Variants in TMEM190 observed in about 807,000 individuals in gnomAD.
TMEM190 encodes the protein transmembrane protein 190.
In TMEM190, 17 loss-of-function variants were observed where a neutral mutation model predicts 17.1. The ratio of observed to expected loss-of-function variants is 0.99; its 90% CI spans 0.68 to 1.49. The LOEUF is 1.49. Among genes scored for constraint, TMEM190 ranks in the 40% most tolerant of loss-of-function variants. TMEM190 has a pLI of 0.00. For synonymous variants in TMEM190, 101 were observed against 103.8 expected, an observed-to-expected ratio of 0.97 and a Z score of 0.16; for missense variants, 246 against 245.0, an observed-to-expected ratio of 1.00 and a Z score of -0.03.
chr19:55,377,521 T>C, intron 2 of TMEM190, 72 bp from the exon 3 acceptor site: 1 of 1,549,138 alleles, frequency 6.5e-7, no homozygotes, highest in East Asian at 2.3e-5. Flanking sequence ...GAGCATGGCC[T>C]TGGAATCTCG....
chr19:55,377,179 G>T (rs1445731347), intron 2 of TMEM190, among the ~76,000 whole-genome samples, 153 bp downstream of exon 2: 3 of 86,526 alleles, frequency 3.5e-5, no homozygotes, highest in African/African-American at 9.4e-5. Flanking sequence ...GGGGCTGGGG[G>T]CCTGGATCCC....
At chr19:55,377,948 G>C in intron 4 of TMEM190, 27 bp from the exon 5 acceptor site, 1 of 1,607,012 alleles carries the variant, frequency 6.2e-7, no homozygotes, top group Non-Finnish European at 8.5e-7. Context: ...GGCGGAGGGC[G>C]GGGGCTGAGC....
Position 55,377,787 on chromosome 19 carries a change from G to T in TMEM190, c.221-15G>T. 1 of 1,612,880 alleles carries T rather than the reference G, an allele frequency of 6.2e-7. No individual in the cohort carries two copies. ...GTCGGGAGCCCCGGGTCTTAACCCT[G>T]CCTCCCTTGTCCAGAAAACGTGCGG... On this transcript the variant is annotated splice_polypyrimidine_tract_variant and intron_variant, in intron 3 of 4. Coordinates refer to ENST00000291934, the MANE Select transcript of TMEM190 (RefSeq NM_139172.3).
intron 2 of TMEM190, 37 bp from the exon 3 acceptor site, chr19:55,377,556 G>A (rs748293700): frequency 7.0e-6 from 11 of 1,582,306 alleles, no homozygotes; most frequent in East Asian, 2.2e-5. Context: ...GGAGCGGAGC[G>A]CTGTGATGAA....
chr19:55,378,124 C>T lies in TMEM190; in HGVS notation c.455C>T (p.Ser152Phe). The change falls in exon 5 of 5, where the codon TCC becomes TTC. Residue 152 changes from serine to phenylalanine, a missense_variant. By Grantham distance (155) the Ser-to-Phe change is radical. Coordinates refer to ENST00000291934, the MANE Select transcript of TMEM190 (RefSeq NM_139172.3). ...GSVPVALSKE[S>F]RDVEGGTEGE... ...GTGCCAGTCGCCCTGTCCAAAGAGT[C>T]CAGGGATGTGGAGGGAGGCACCGAG... 1.9e-6 allele frequency: 3 copies of T among 1,597,362 alleles called. No homozygotes were observed. Among genetic ancestry groups the T allele is most frequent in the Non-Finnish European group, 2.6e-6 (3 of 1,169,508 alleles).
rs764181576 is a variant in TMEM190 at position 55,377,732 on chromosome 19, G to T, written c.220+14G>T. ...AGCGTCCAGACGGTGAGGGCTCCTGGCCCCAGGTCCCTGGGGCGTGGGTCT... is the reference window on the plus strand; with the variant it reads ...AGCGTCCAGACGGTGAGGGCTCCTGTCCCCAGGTCCCTGGGGCGTGGGTCT... On this transcript the variant is annotated intron_variant, in intron 3 of 4. Transcript: ENST00000291934. 1.9e-6 allele frequency: 3 copies of T among 1,610,874 alleles called. No individual in the cohort carries two copies. The Admixed American group carries it at 5.0e-5, about 27-fold the overall frequency.
rs1265667394 is a variant in TMEM190, at chr19:55,376,998, T to C, written c.66T>C (p.Asn22=). 2 of 1,551,414 alleles carry C rather than the reference T, an allele frequency of 1.3e-6. No homozygotes were observed. The highest frequency in any genetic ancestry group is 1.7e-6 in the Non-Finnish European group (2 of 1,146,986). ...LLLLQGSADG[N]GIQGFFYPWS... ...CTGCCCTTTCTCTCGCAGACGGAAA[T>C]GGAATCCAGGGATTCTTCTACCCAT... The change falls in exon 2 of 5, where the codon AAT becomes AAC. Residue 22 remains asparagine (N), a synonymous_variant. Transcript: ENST00000291934.
At chr19:55,377,952 G>A (rs2089865615) in intron 4 of TMEM190, 23 bp from the exon 5 acceptor site, 4 of 1,607,504 alleles carry the variant, frequency 2.5e-6, no homozygotes, top group Non-Finnish European at 3.4e-6. Context: ...GAGGGCGGGG[G>A]CTGAGCCGTC....
rs2089864248 is a variant in TMEM190, at chr19:55,377,818, G to A, written c.237G>A (p.Lys79=). The change falls in exon 4 of 5, where the codon AAG becomes AAA. Residue 79 remains lysine (K), a synonymous_variant. Transcript: ENST00000291934. ...HQRPDENVRR[K]HMWALVWTCS... ...CTTGTCCAGAAAACGTGCGGAGGAA[G>A]CACATGTGGGCGCTGGTCTGGACGT... 2 of 1,611,800 alleles carry A rather than the reference G, an allele frequency of 1.2e-6. No homozygotes were observed. Among genetic ancestry groups the A allele is most frequent in the South Asian group, 2.2e-5 (2 of 91,080 alleles).
Position 55,377,927 on chromosome 19 carries a change from G to C in TMEM190, c.305+41G>C, listed in dbSNP as rs774869765. On this transcript the variant is annotated intron_variant, in intron 4 of 4. Coordinates refer to ENST00000291934, the MANE Select transcript of TMEM190 (RefSeq NM_139172.3). ...ATAGGGCGGGCGCCTGCACCCCCAG[G>C]GGGAGGGTCCGGCGGAGGGCGGGGG... 1.6e-5 allele frequency: 26 copies of C among 1,606,500 alleles called. No individual in the cohort carries two copies. In the Middle Eastern group the frequency reaches 1.2e-3, roughly 72 times the overall value.
chr19:55,376,929 C>A lies in TMEM190; in HGVS notation c.58+18C>A. On this transcript the variant is annotated intron_variant, in intron 1 of 4. Coordinates refer to ENST00000291934, the MANE Select transcript of TMEM190 (RefSeq NM_139172.3). Reference sequence around the variant, plus strand: ...CTCGGCAGGTGAGGGGCTGGTGAGGCGGGGGAGCTGAGGAGGGACGCCCGG... The same window carrying A: ...CTCGGCAGGTGAGGGGCTGGTGAGGAGGGGGAGCTGAGGAGGGACGCCCGG... The A allele has an allele frequency of 1.3e-6, 2 of 1,561,780 alleles. No individual in the cohort carries two copies. Among genetic ancestry groups the A allele is most frequent in the East Asian group, 2.4e-5 (1 of 42,456 alleles).
In TMEM190 at chr19:55,378,235, A is replaced by C. The variant is rs143443912; in HGVS notation, c.*32A>C. ...CCCCGGGGGACTGCTCAATACAGAT[A>C]CGGTGGACGGACGTGTGTTCTCTTC... On this transcript the variant is annotated 3_prime_UTR_variant, in exon 5 of 5. Coordinates refer to ENST00000291934, the MANE Select transcript of TMEM190 (RefSeq NM_139172.3). 280 of 1,474,284 alleles carry C rather than the reference A, an allele frequency of 1.9e-4. No individual in the cohort carries two copies. The African/African-American group carries it at 3.7e-3, about 19-fold the overall frequency. The allele number at this position is 1,474,284 out of a possible 1,614,324, so 91.3% of individuals were successfully genotyped here.
In TMEM190 at chr19:55,377,888, C is replaced by A. The variant is rs762143109; in HGVS notation, c.305+2C>A. ...GAGCTGCAGCATCTGCTTGTTCTGG[C>A]GAGTGGGCCTGGGATAGGGCGGGCG... On this transcript the variant is annotated splice_donor_variant, in intron 4 of 4. Transcript: ENST00000291934. LOFTEE classifies it high-confidence loss of function. The A allele has an allele frequency of 3.1e-6, 5 of 1,608,544 alleles. No homozygotes were observed. Among genetic ancestry groups the A allele is most frequent in the Admixed American group, 1.7e-5 (1 of 59,964 alleles).
chr19:55,377,847 G>T lies in TMEM190; in HGVS notation c.266G>T (p.Ser89Ile), dbSNP rs769792321. The T allele has an allele frequency of 6.2e-7, 1 of 1,610,922 alleles. No individual in the cohort carries two copies. Among genetic ancestry groups the T allele is most frequent in the Non-Finnish European group, 8.5e-7 (1 of 1,179,846 alleles). ...ATGTGGGCGCTGGTCTGGACGTGCA[G>T]CGGCCTCCTCCTCCTGAGCTGCAGC... is the stretch of plus-strand genomic sequence containing the variant. ...KHMWALVWTC[S>I]GLLLLSCSIC... is the part of the protein sequence containing the mutation. The change falls in exon 4 of 5, where the codon AGC becomes ATC. Residue 89 changes from serine to isoleucine, a missense_variant. Transcript: ENST00000291934.
intron 4 of TMEM190, 36 bp from the exon 5 acceptor site, chr19:55,377,939 G>A: frequency 6.2e-7 from 1 of 1,606,486 alleles, no homozygotes; most frequent in South Asian, 1.1e-5. Context: ...GGAGGGTCCG[G>A]CGGAGGGCGG....
chr19:55,376,947 ACGCCCG>A lies in TMEM190; in HGVS notation c.58+37_59-38del, dbSNP rs780776383. 41 of 1,554,276 alleles carry A rather than the reference ACGCCCG, an allele frequency of 2.6e-5. No homozygotes were observed. In the East Asian group the frequency reaches 9.4e-4, roughly 36 times the overall value. ...GGTGAGGCGGGGGAGCTGAGGAGGGACGCCCGGCTCCACACAGCCCTAACACTGCCC... is the reference window on the plus strand; with the variant it reads ...GGTGAGGCGGGGGAGCTGAGGAGGGAGCTCCACACAGCCCTAACACTGCCC... On this transcript the variant is annotated intron_variant, in intron 1 of 4. Coordinates refer to ENST00000291934, the MANE Select transcript of TMEM190 (RefSeq NM_139172.3).
intron 2 of TMEM190, among the ~76,000 whole-genome samples, chr19:55,377,282 TG>T (rs374534673): frequency 4.1e-5 from 5 of 121,904 alleles, no homozygotes; most frequent in East Asian, 2.5e-4. Context: ...GAGGAGGGGC[TG>T]GGGCCTGGAC....
At position 55,378,059 on chromosome 19, in the gene TMEM190, C is replaced by T. The variant is rs1229713028; in HGVS notation, c.390C>T (p.Ser130=). 2 of 1,612,578 alleles carry T rather than the reference C, an allele frequency of 1.2e-6. No individual in the cohort carries two copies. The highest frequency in any genetic ancestry group is 1.1e-5 in the South Asian group (1 of 90,992). Reference sequence around the variant, plus strand: ...TGTCCAAGTCCGTCTCGCTGCTCTCCAAGCACCGAGGGACCAAGAAGACGC... The same window carrying T: ...TGTCCAAGTCCGTCTCGCTGCTCTCTAAGCACCGAGGGACCAAGAAGACGC... ...CDMSKSVSLL[S]KHRGTKKTPS... Residue 130 remains serine (S), a synonymous_variant, in exon 5 of 5, where the codon TCC becomes TCT. Transcript: ENST00000291934.
rs763446354 is a variant in TMEM190, at chr19:55,378,008, C to G, written c.339C>G (p.Pro113=). The G allele has an allele frequency of 2.9e-5, 46 of 1,612,692 alleles. No homozygotes were observed. The highest frequency in any genetic ancestry group is 3.6e-5 in the Non-Finnish European group (42 of 1,179,908). The change falls in exon 5 of 5, where the codon CCC becomes CCG. Residue 113 remains proline, a synonymous_variant. Coordinates refer to ENST00000291934, the MANE Select transcript of TMEM190 (RefSeq NM_139172.3). ...WAKRRDVLHM[P]GFLAGPCDMS... ...AGCGCCGGGACGTGCTGCATATGCCCGGTTTCCTGGCGGGTCCGTGTGACA... is the reference window on the plus strand; with the variant it reads ...AGCGCCGGGACGTGCTGCATATGCCGGGTTTCCTGGCGGGTCCGTGTGACA...
Sources: gnomAD v4.1 joint callset for allele counts (sites outside exome capture counted in the v4.1 genomes callset) on GRCh38, gnomAD v4.1.1 for gene constraint, MANE v1.5 for transcripts, NCBI Gene and HGNC (gene_info 2026-07-23, HGNC 2026-07-21) for gene names.